Variants in DCHS2 observed in about 807,000 individuals in gnomAD.
DCHS2 encodes the protein dachsous cadherin-related 2.
A neutral mutation model predicts 182.4 loss-of-function variants in DCHS2; 142 were observed. The ratio of observed to expected loss-of-function variants is 0.78; its 90% CI spans 0.68 to 0.89. The LOEUF (loss-of-function observed/expected upper bound fraction) is 0.89. Ranked by LOEUF, DCHS2 falls within the 40% of genes least tolerant of loss-of-function variation. The probability of loss-of-function intolerance (pLI) is 0.00; values close to 1 mark genes in which losing one functional copy is unlikely to be tolerated. For missense variants in DCHS2, 4,319 were observed against 4,198.6 expected (o/e 1.03, Z -0.79); for synonymous variants, 1,740 against 1,663.3 (o/e 1.05, Z -1.12).
chr4:154,278,787 C>T (rs539272098), intron 13 of DCHS2, among the ~76,000 whole-genome samples: 2 of 152,116 alleles, frequency 1.3e-5, no homozygotes, highest in Admixed American at 6.5e-5. Flanking sequence ...TCTTCCAAAA[C>T]TGTCCTTCAT....
At chr4:154,243,868 G>A (rs1024219542) in intron 16 of DCHS2, among the ~76,000 whole-genome samples, 11 of 152,078 alleles carry the variant, frequency 7.2e-5, no homozygotes, top group East Asian at 5.8e-4. Flanking sequence ...TCTATATTGC[G>A]CTCAATTGCT....
intron 14 of DCHS2, among the ~76,000 whole-genome samples, chr4:154,261,273 A>C (rs1480263777): frequency 6.6e-6 from 1 of 152,236 alleles, no homozygotes; most frequent in East Asian, 1.9e-4. Flanking sequence ...AATGACTTCA[A>C]AGAGTGGCTG....
intron 13 of DCHS2, among the ~76,000 whole-genome samples, chr4:154,287,024 C>A (rs957821093): frequency 6.6e-6 from 1 of 152,066 alleles, no homozygotes; most frequent in African/African-American, 2.4e-5. Context: ...TCAGTGGAAA[C>A]CTTACAGGAA....
chr4:154,319,964 A>G (rs1735994605), intron 9 of DCHS2, among the ~76,000 whole-genome samples: 1 of 144,534 alleles, frequency 6.9e-6, no homozygotes, highest in Non-Finnish European at 1.6e-5. Flanking sequence ...TGAATGGATA[A>G]AGAAAATGTG....
chr4:154,300,894 T>C (rs13111533), intron 12 of DCHS2, among the ~76,000 whole-genome samples: 1 of 151,876 alleles, frequency 6.6e-6, no homozygotes, highest in African/African-American at 2.4e-5. Flanking sequence ...AAGTGAAGGG[T>C]GTTTAGACCA....
chr4:154,460,379 G>A (rs1404759936), intron 1 of DCHS2, among the ~76,000 whole-genome samples: 1 of 152,128 alleles, frequency 6.6e-6, no homozygotes, highest in Non-Finnish European at 1.5e-5. Context: ...TGAGACATTT[G>A]TAAACCTCCT....
Position 154,234,933 on chromosome 4 carries a change from C to T in DCHS2, c.9719G>A (p.Trp3240Ter). ...DNYHWNYLLS[W>*]EPKFQPLASV... ...GGCAAGAGGTTGGAATTTGGGCTCC[C>T]AACTAAGAAGATAATTCCAGTGATA... The change falls in exon 20 of 20, where the codon TGG (tryptophan) becomes TAG (stop). Residue 3240 changes from tryptophan (W) to a stop codon, truncating the protein, a stop_gained. Transcript: ENST00000357232. LOFTEE classifies it low-confidence loss of function (END_TRUNC). 1 of 1,613,908 alleles carries T rather than the reference C, an allele frequency of 6.2e-7. No homozygotes were observed.
chr4:154,287,776 C>A (rs951329998), intron 13 of DCHS2, among the ~76,000 whole-genome samples: 1 of 152,072 alleles, frequency 6.6e-6, no homozygotes, highest in Non-Finnish European at 1.5e-5. Context: ...GCCACAGCAC[C>A]CTGCCTAAAG....
chr4:154,283,183 A>G (rs1295838198), intron 13 of DCHS2, among the ~76,000 whole-genome samples: 1 of 152,180 alleles, frequency 6.6e-6, no homozygotes, highest in Admixed American at 6.5e-5. Flanking sequence ...AACACAATAA[A>G]AAAAGAAGAA....
chr4:154,328,680 A>G (rs1736391959), intron 6 of DCHS2, among the ~76,000 whole-genome samples: 1 of 152,246 alleles, frequency 6.6e-6, no homozygotes, highest in African/African-American at 2.4e-5. Context: ...CTACATGTTT[A>G]GAGTCCAACT....
intron 1 of DCHS2, among the ~76,000 whole-genome samples, chr4:154,442,086 G>C (rs920401094): frequency 1.3e-5 from 2 of 151,840 alleles, no homozygotes; most frequent in African/African-American, 4.8e-5. Flanking sequence ...TCGTCATCTG[G>C]GTGACCTTTC....
chr4:154,384,345 ATGCACCACC>A, intron 1 of DCHS2: 1 of 1,606,354 alleles, frequency 6.2e-7, no homozygotes, highest in Non-Finnish European at 8.5e-7. Flanking sequence ...CCTCCTCCTC[ATGCACCACC>A]TGACTGACCT....
At chr4:154,421,865 ATCT>A (rs1367358202) in intron 1 of DCHS2, among the ~76,000 whole-genome samples, 4 of 152,062 alleles carry the variant, frequency 2.6e-5, no homozygotes, top group Non-Finnish European at 5.9e-5. Context: ...TTCCTCTTTA[ATCT>A]GCTGCAATCT....
intron 1 of DCHS2, among the ~76,000 whole-genome samples, chr4:154,393,099 A>C (rs1371730377): frequency 6.6e-6 from 1 of 152,198 alleles, no homozygotes; most frequent in Non-Finnish European, 1.5e-5. Context: ...TGGATAATAA[A>C]ATACATTAAC....
At chr4:154,429,449 C>G (rs1733470577) in intron 1 of DCHS2, among the ~76,000 whole-genome samples, 1 of 152,166 alleles carries the variant, frequency 6.6e-6, no homozygotes, top group Non-Finnish European at 1.5e-5. Flanking sequence ...AGACTGCAGA[C>G]AGGTGTCCTA....
chr4:154,280,495 T>G (rs1734079293), intron 13 of DCHS2, among the ~76,000 whole-genome samples: 1 of 152,078 alleles, frequency 6.6e-6, no homozygotes, highest in South Asian at 2.1e-4. Flanking sequence ...GCAAACATAA[T>G]TCAACAGCAC....
intron 1 of DCHS2, among the ~76,000 whole-genome samples, chr4:154,482,424 C>T (rs1225095892): frequency 1.3e-5 from 2 of 152,076 alleles, no homozygotes; most frequent in Admixed American, 1.3e-4. Context: ...CTGAGTCCAT[C>T]GTCAAGAGAT....
At chr4:154,337,033 A>G (rs971181750) in intron 3 of DCHS2, among the ~76,000 whole-genome samples, 4 of 152,170 alleles carry the variant, frequency 2.6e-5, no homozygotes, top group Non-Finnish European at 4.4e-5. Flanking sequence ...GCTTTTAGTA[A>G]CCATATTCAC....
At chr4:154,262,287 T>C (rs1380737538) in intron 14 of DCHS2, 1 of 152,178 alleles carries the variant, frequency 6.6e-6, no homozygotes, top group Non-Finnish European at 1.5e-5. Context: ...GCTGTGAAAG[T>C]CGTGCAAGTA....
Sources: gnomAD v4.1 joint callset for allele counts (sites outside exome capture counted in the v4.1 genomes callset) on GRCh38, gnomAD v4.1.1 for gene constraint, MANE v1.5 for transcripts, NCBI Gene and HGNC (gene_info 2026-07-23, HGNC 2026-07-21) for gene names.